The following PRKN variants were observed in gnomAD, a reference collection of about 807,000 sequenced individuals.
The protein encoded by PRKN is parkin RBR E3 ubiquitin protein ligase, also known as E3 ubiquitin-protein ligase parkin.
Under a neutral mutation model 59.5 loss-of-function variants are expected in PRKN, and 56 were observed. The observed-to-expected ratio is 0.94, with a 90% CI of 0.76 to 1.18. The LOEUF (loss-of-function observed/expected upper bound fraction) is 1.18, where lower values mean the gene tolerates loss of function less well. Ranked by LOEUF, PRKN falls within the 50% of genes most tolerant of loss-of-function variation. The probability of loss-of-function intolerance (pLI) is 0.00; values close to 1 mark genes in which losing one functional copy is unlikely to be tolerated. For synonymous variants in PRKN, 250 were observed against 222.1 expected, an observed-to-expected ratio of 1.13 and a Z score of -1.12; for missense variants, 657 against 596.4, an observed-to-expected ratio of 1.10 and a Z score of -1.06.
rs1015006530 is a variant in PRKN, at chr6:161,578,453, G to A, written c.872-9037C>T. Among the ~76,000 whole-genome samples, 6 of 152,204 alleles carry A rather than the reference G, an allele frequency of 3.9e-5. No individual in the cohort carries two copies. Among genetic ancestry groups the A allele is most frequent in the Non-Finnish European group, 8.8e-5 (6 of 68,024 alleles). ...ACAGGAAATCAGACGGTTCACCTGG[G>A]CAATAATAGCTCTTGTATAAGACAA... On this transcript the variant is annotated intron_variant, in intron 7 of 11. Coordinates refer to ENST00000366898, the MANE Select transcript of PRKN (RefSeq NM_004562.3). This position sits in a 1 kb window ranked among gnomAD's most constrained non-coding sequence, Gnocchi z 4.2.
At chr6:161,516,644 G>A (rs509315) in intron 9 of PRKN, among the ~76,000 whole-genome samples, 97,644 of 150,284 alleles carry the variant, frequency 0.65, 31,725 homozygotes, top group Middle Eastern at 0.72. Context: ...CCTGGCCAAC[G>A]TGGTAAAACT....
At position 161,385,892 on chromosome 6, in the gene PRKN, C is replaced by T. The variant is rs558668173; in HGVS notation, c.1167+902G>A. Among the ~76,000 whole-genome samples the T allele has an allele frequency of 2.0e-5, 3 of 152,288 alleles. No homozygotes were observed. Among genetic ancestry groups the T allele is most frequent in the African/African-American group, 7.2e-5 (3 of 41,560 alleles). Reference sequence around the variant, plus strand: ...TCATGGCTGGCAATTTAGGAGCAGACGAGAAGACCCAAATTCACCAGTTCT... The same window carrying T: ...TCATGGCTGGCAATTTAGGAGCAGATGAGAAGACCCAAATTCACCAGTTCT... On this transcript the variant is annotated intron_variant, in intron 10 of 11. Transcript: ENST00000366898. This position sits in a 1 kb window ranked among gnomAD's most constrained non-coding sequence, Gnocchi z 4.9.
At chr6:161,411,387 C>T (rs572288441) in intron 9 of PRKN, among the ~76,000 whole-genome samples, 16 of 152,298 alleles carry the variant, frequency 1.1e-4, no homozygotes, top group East Asian at 5.8e-4. Context: ...CCTTTGCTCC[C>T]TCATTGGCCT....
rs1203606956 is a variant in PRKN at position 162,163,532 on chromosome 6, T to G, written c.534+37599A>C. Among the ~76,000 whole-genome samples the G allele has an allele frequency of 2.7e-5, 4 of 149,362 alleles. 1 individual carries two copies. Among genetic ancestry groups the G allele is most frequent in the African/African-American group, 1.0e-4 (4 of 39,744 alleles). ...AGAACAGAAACAGGGGAAAAACAGG[T>G]AATGCTTTCCAGCGATGAGTGATGA... On this transcript the variant is annotated intron_variant, in intron 4 of 11. Coordinates refer to ENST00000366898, the MANE Select transcript of PRKN (RefSeq NM_004562.3).
At position 161,995,605 on chromosome 6, in the gene PRKN, T is replaced by C. The variant is rs992435327; in HGVS notation, c.619-22188A>G. Among the ~76,000 whole-genome samples the C allele has an allele frequency of 1.8e-4, 27 of 151,968 alleles. 1 individual carries two copies. Among genetic ancestry groups the C allele is most frequent in the Admixed American group, 1.8e-3 (27 of 15,238 alleles). Reference sequence around the variant, plus strand: ...TCAAAAAGTGAGCAAAAGGTTAGAATGGACACTTCTCAAAAGAAGACATAC... The same window carrying C: ...TCAAAAAGTGAGCAAAAGGTTAGAACGGACACTTCTCAAAAGAAGACATAC... On this transcript the variant is annotated intron_variant, in intron 5 of 11. Transcript: ENST00000366898.
At chr6:162,237,565 G>C (rs1778795128) in intron 3 of PRKN, among the ~76,000 whole-genome samples, 1 of 152,110 alleles carries the variant, frequency 6.6e-6, no homozygotes, top group South Asian at 2.1e-4. Context: ...CTAGAAATAA[G>C]TTTGTTGAAA....
rs148705647 is a variant in PRKN, at chr6:162,075,573, C to T, written c.535-21399G>A. 8.2e-4 allele frequency among the ~76,000 whole-genome samples: 124 copies of T among 151,922 alleles called. 1 individual carries two copies. In the East Asian group the frequency reaches 0.02, roughly 25 times the overall value. On this transcript the variant is annotated intron_variant, in intron 4 of 11. Transcript: ENST00000366898. ...TATTGCTTCTATATAATGTACTGCC[C>T]GTGAATATGTATCATCAATCTGGGC...
At chr6:161,804,328 A>G (rs1791217614) in intron 6 of PRKN, among the ~76,000 whole-genome samples, 2 of 152,270 alleles carry the variant, frequency 1.3e-5, no homozygotes, top group African/African-American at 4.8e-5. Context: ...GTGGACACTG[A>G]TAGGCAGGTG....
chr6:162,594,806 C>T (rs953706211), intron 1 of PRKN, among the ~76,000 whole-genome samples: 2 of 152,164 alleles, frequency 1.3e-5, no homozygotes, highest in Non-Finnish European at 2.9e-5. Context: ...TGTAGAAATA[C>T]TTCCTTTGCT....
At chr6:161,937,434 GTCT>G (rs1378716164) in intron 6 of PRKN, among the ~76,000 whole-genome samples, 2 of 152,302 alleles carry the variant, frequency 1.3e-5, no homozygotes, top group East Asian at 3.9e-4. Flanking sequence ...CAGCTTTTAA[GTCT>G]TTATCATCTA....
intron 7 of PRKN, among the ~76,000 whole-genome samples, chr6:161,741,463 T>C (rs1336472985): frequency 6.6e-6 from 1 of 152,090 alleles, no homozygotes; most frequent in Admixed American, 6.5e-5. Flanking sequence ...AGGATCAAAG[T>C]ATCTTGTGGC....
intron 2 of PRKN, among the ~76,000 whole-genome samples, chr6:162,315,986 G>A (rs1045605846): frequency 6.6e-6 from 1 of 151,366 alleles, no homozygotes; most frequent in Non-Finnish European, 1.5e-5. Context: ...CTGGCCATCA[G>A]GCAGCTAACA....
intron 1 of PRKN, among the ~76,000 whole-genome samples, chr6:162,659,987 T>C (rs908667166): frequency 6.6e-6 from 1 of 152,194 alleles, no homozygotes; most frequent in Non-Finnish European, 1.5e-5. Context: ...GTGAAACTTA[T>C]GCCAGGCATA....
intron 5 of PRKN, among the ~76,000 whole-genome samples, chr6:162,040,866 A>C (rs912494236): frequency 2.2e-4 from 34 of 152,008 alleles, no homozygotes; most frequent in African/African-American, 6.5e-4. Flanking sequence ...AACAACAAGA[A>C]TCAGACAGGG....
At chr6:162,585,467 T>C (rs569612466) in intron 1 of PRKN, among the ~76,000 whole-genome samples, 5 of 152,288 alleles carry the variant, frequency 3.3e-5, no homozygotes, top group East Asian at 3.9e-4. Flanking sequence ...ATTTATTCCA[T>C]AGATATTTAC....
intron 10 of PRKN, among the ~76,000 whole-genome samples, chr6:161,367,818 C>T (rs1240332864): frequency 1.3e-5 from 2 of 152,138 alleles, no homozygotes; most frequent in African/African-American, 2.4e-5. Flanking sequence ...GGGCACTGTG[C>T]GGCAGGGGCT....
At position 161,448,723 on chromosome 6, in the gene PRKN, G is replaced by A. The variant is rs1029351542; in HGVS notation, c.1084-61846C>T. Among the ~76,000 whole-genome samples, 1 of 152,186 alleles carries A rather than the reference G, an allele frequency of 6.6e-6. No homozygotes were observed. The highest frequency in any genetic ancestry group is 2.4e-5 in the African/African-American group (1 of 41,462). ...GCAAGAGGCTAGACATCTCTGGCTG[G>A]AAAGGCACTCCCTGCAGATCTGGGA... is the stretch of plus-strand genomic sequence containing the variant. On this transcript the variant is annotated intron_variant, in intron 9 of 11. Coordinates refer to ENST00000366898, the MANE Select transcript of PRKN (RefSeq NM_004562.3). The surrounding 1 kb of genome is among the most constrained non-coding windows in gnomAD (Gnocchi z 5.1).
chr6:162,700,600 T>C (rs1211317695), intron 1 of PRKN, among the ~76,000 whole-genome samples: 1 of 152,124 alleles, frequency 6.6e-6, no homozygotes, highest in South Asian at 2.1e-4. Context: ...AGTGACATGA[T>C]TCAGTTAAAA....
chr6:161,785,352 TCTG>T (rs1223853294), intron 7 of PRKN, among the ~76,000 whole-genome samples: 6 of 152,220 alleles, frequency 3.9e-5, no homozygotes, highest in African/African-American at 1.4e-4. Context: ...TTTATCTCAT[TCTG>T]CTTTCTTTTT....
Sources: gnomAD v4.1 joint callset for allele counts (sites outside exome capture counted in the v4.1 genomes callset) on GRCh38, gnomAD v4.1.1 for gene constraint, Gnocchi (gnomAD v3.1) non-coding constraint, MANE v1.5 for transcripts, NCBI Gene and HGNC (gene_info 2026-07-23, HGNC 2026-07-21) for gene names.